Variants in RASGRF1 observed in about 807,000 individuals in gnomAD.
The protein encoded by RASGRF1 is Ras protein specific guanine nucleotide releasing factor 1.
Under a neutral mutation model 138.7 loss-of-function variants are expected in RASGRF1, and 40 were observed. The ratio of observed to expected loss-of-function variants is 0.29; its 90% CI spans 0.22 to 0.38. The LOEUF is 0.38. Ranked by LOEUF, RASGRF1 falls within the 10% of genes least tolerant of loss-of-function variation. The pLI is 1.00. For missense variants in RASGRF1, 1,108 were observed against 1,650.4 expected, an observed-to-expected ratio of 0.67 and a Z score of 5.69; for synonymous variants, 614 against 663.2, an observed-to-expected ratio of 0.93 and a Z score of 1.14.
intron 3 of RASGRF1, among the ~76,000 whole-genome samples, chr15:79,057,250 A>G (rs2057523576): frequency 1.3e-5 from 2 of 152,154 alleles, no homozygotes; most frequent in African/African-American, 4.8e-5. Flanking sequence ...GCCAGGGTGC[A>G]TTACGTGGGT....
At chr15:79,075,306 G>A (rs761177786) in intron 1 of RASGRF1, among the ~76,000 whole-genome samples, 1 of 152,208 alleles carries the variant, frequency 6.6e-6, no homozygotes, top group Non-Finnish European at 1.5e-5. Flanking sequence ...GTGGGCCCTT[G>A]TCTTTGCTGG....
intron 5 of RASGRF1, among the ~76,000 whole-genome samples, chr15:79,045,483 T>C (rs1313810556): frequency 6.6e-6 from 1 of 152,218 alleles, no homozygotes; most frequent in Non-Finnish European, 1.5e-5. Context: ...TCAACATGTC[T>C]ATTAAAAAGC....
At chr15:79,001,833 TTAA>T (rs2056535195) in intron 15 of RASGRF1, 46 bp from the exon 16 acceptor site, 1 of 1,234,478 alleles carries the variant, frequency 8.1e-7, no homozygotes, top group Non-Finnish European at 1.1e-6. Flanking sequence ...AATTTTAATT[TTAA>T]AATTTAAATA....
chr15:78,998,084 T>A lies in RASGRF1; in HGVS notation c.2966+12A>T. Reference sequence around the variant, plus strand: ...AGGCAGTTCTGAGCCAGGAACCAGGTACTGCCTTTACCTGATGATGTTGGC... The same window carrying A: ...AGGCAGTTCTGAGCCAGGAACCAGGAACTGCCTTTACCTGATGATGTTGGC... On this transcript the variant is annotated intron_variant, in intron 19 of 26. Coordinates refer to ENST00000558480, the MANE Select transcript of RASGRF1 (RefSeq NM_001145648.3). 1 of 1,605,710 alleles carries A rather than the reference T, an allele frequency of 6.2e-7. No individual in the cohort carries two copies. Among genetic ancestry groups the A allele is most frequent in the South Asian group, 1.1e-5 (1 of 90,882 alleles).
rs776652187 is a variant in RASGRF1 at position 79,090,458 on chromosome 15, G to A, written c.41C>T (p.Ser14Phe). 6.8e-6 allele frequency: 11 copies of A among 1,612,886 alleles called. No individual in the cohort carries two copies. Among genetic ancestry groups the A allele is most frequent in the Non-Finnish European group, 7.6e-6 (9 of 1,179,984 alleles). Residue 14 changes from serine (S) to phenylalanine (F), a missense_variant, in exon 1 of 27, where the codon TCC (serine) becomes TTC (phenylalanine). Physicochemically the swap from Ser to Phe is radical, Grantham distance 155. This residue lies in a region of RASGRF1 where 253 missense variants were observed against 329.5 expected (regional missense o/e 0.77). Coordinates refer to ENST00000558480, the MANE Select transcript of RASGRF1 (RefSeq NM_001145648.3). ...GTCCTTGCGCGCCAGCAGTCCCAGG[G>A]ACGCGACGTGGCCATCATTCAGCCG... is the stretch of plus-strand genomic sequence containing the variant. ...GIRLNDGHVA[S>F]LGLLARKDGT...
chr15:79,006,787 G>A lies in RASGRF1; in HGVS notation c.1827-353C>T, dbSNP rs1458575415. Among the ~76,000 whole-genome samples, 3 of 152,154 alleles carry A rather than the reference G, an allele frequency of 2.0e-5. No individual in the cohort carries two copies. The highest frequency in any genetic ancestry group is 4.4e-5 in the Non-Finnish European group (3 of 68,010). On this transcript the variant is annotated intron_variant, in intron 13 of 26. Coordinates refer to ENST00000558480, the MANE Select transcript of RASGRF1 (RefSeq NM_001145648.3). The surrounding 1 kb of genome is among the most constrained non-coding windows in gnomAD (Gnocchi z 4.0). ...AGCACTTTGGGAGGCTGAGGTGGGA[G>A]GATCACTTGAGGTCAGGAGCTCAAG...
chr15:79,032,338 C>T lies in RASGRF1; in HGVS notation c.959-22G>A, dbSNP rs1431806898. The T allele has an allele frequency of 1.5e-5, 24 of 1,611,322 alleles. No homozygotes were observed. Among genetic ancestry groups the T allele is most frequent in the East Asian group, 6.7e-5 (3 of 44,850 alleles). Reference sequence around the variant, plus strand: ...TCAGCTGGAAGGACGAGGCAGTCAGCGGGTGGCTAGGGCAGCTTGGTGGGG... The same window carrying T: ...TCAGCTGGAAGGACGAGGCAGTCAGTGGGTGGCTAGGGCAGCTTGGTGGGG... On this transcript the variant is annotated intron_variant, in intron 6 of 26. Transcript: ENST00000558480. This position sits in a 1 kb window ranked among gnomAD's most constrained non-coding sequence, Gnocchi z 4.5.
chr15:79,004,413 C>A (rs996320447), intron 14 of RASGRF1, among the ~76,000 whole-genome samples: 8 of 152,130 alleles, frequency 5.3e-5, no homozygotes, highest in African/African-American at 1.9e-4. Flanking sequence ...ATGCTCCGCC[C>A]CCCCACCCCC....
chr15:79,001,972 T>A (rs1319248737), intron 15 of RASGRF1, among the ~76,000 whole-genome samples, 185 bp from the exon 16 acceptor site: 1 of 152,234 alleles, frequency 6.6e-6, no homozygotes, highest in Non-Finnish European at 1.5e-5. Flanking sequence ...CTCTTGCTAA[T>A]GAGCACTGTC....
chr15:79,032,069 T>A lies in RASGRF1; in HGVS notation c.1152+54A>T, dbSNP rs140393168. 4 of 1,563,546 alleles carry A rather than the reference T, an allele frequency of 2.6e-6. No individual in the cohort carries two copies. In the African/African-American group the frequency reaches 4.1e-5, roughly 16 times the overall value. On this transcript the variant is annotated intron_variant, in intron 7 of 26. Coordinates refer to ENST00000558480, the MANE Select transcript of RASGRF1 (RefSeq NM_001145648.3). The surrounding 1 kb of genome is among the most constrained non-coding windows in gnomAD (Gnocchi z 4.5). The stretch of plus-strand genomic sequence containing the variant: ...ACTGTGCCCCCACCGCCATGGTCCA[T>A]CCCCCACACCTGCCTCCCTGACTCT...
Position 78,973,493 on chromosome 15 carries a change from G to T in RASGRF1, c.3495-73C>A. On this transcript the variant is annotated intron_variant, in intron 24 of 26. Coordinates refer to ENST00000558480, the MANE Select transcript of RASGRF1 (RefSeq NM_001145648.3). This position sits in a 1 kb window ranked among gnomAD's most constrained non-coding sequence, Gnocchi z 4.9. ...ACGTCTACCAAGAACAGAACATCCC[G>T]CATGCACCTTTTGCTTTGCTAGAGG... 8.8e-7 allele frequency: 1 copy of T among 1,135,684 alleles called. No homozygotes were observed. Among genetic ancestry groups the T allele is most frequent in the Non-Finnish European group, 1.3e-6 (1 of 767,760 alleles). The allele number at this position is 1,135,684 out of a possible 1,614,324, so 70.4% of individuals were successfully genotyped here.
In RASGRF1 at chr15:79,035,230, G is replaced by A. The variant is rs2057202126; in HGVS notation, c.879-20C>T. 6.2e-7 allele frequency: 1 copy of A among 1,600,582 alleles called. No individual in the cohort carries two copies. Among genetic ancestry groups the A allele is most frequent in the African/African-American group, 1.3e-5 (1 of 74,654 alleles). Reference sequence around the variant, plus strand: ...GTTTCGCTGAAAGAGAAAGCACAGGGTCAGCTCTGCCCCAGGGACTTCCTG... The same window carrying A: ...GTTTCGCTGAAAGAGAAAGCACAGGATCAGCTCTGCCCCAGGGACTTCCTG... On this transcript the variant is annotated intron_variant, in intron 5 of 26. Transcript: ENST00000558480.
Position 79,047,006 on chromosome 15 carries a change from A to G in RASGRF1, c.625-7T>C. 1 of 1,607,358 alleles carries G rather than the reference A, an allele frequency of 6.2e-7. No homozygotes were observed. Among genetic ancestry groups the G allele is most frequent in the South Asian group, 1.1e-5 (1 of 91,050 alleles). On this transcript the variant is annotated splice_polypyrimidine_tract_variant and splice_region_variant and intron_variant, in intron 4 of 26. Transcript: ENST00000558480. ...CCCGCAGGAAGCTCTGCACCTGAGC[A>G]GCAAGACCGGTGGGGAGAGGCTCCT...
intron 26 of RASGRF1, among the ~76,000 whole-genome samples, chr15:78,965,709 G>A (rs543928472): frequency 6.6e-6 from 1 of 152,102 alleles, no homozygotes; most frequent in South Asian, 2.1e-4. Flanking sequence ...AAATTAGTCG[G>A]GCGTGGTGGC....
chr15:79,034,826 G>A (rs1373201), intron 6 of RASGRF1, among the ~76,000 whole-genome samples: 73,577 of 152,110 alleles, frequency 0.48, 19,612 homozygotes, highest in South Asian at 0.62. Context: ...TCTTTGGGAA[G>A]CAGAACTATG....
chr15:78,980,267 T>A lies in RASGRF1; in HGVS notation c.3494+353A>T, dbSNP rs192373448. The A allele has an allele frequency of 1.3e-4, 22 of 175,692 alleles. No individual in the cohort carries two copies. The South Asian group carries it at 1.6e-3, about 13-fold the overall frequency. The allele number at this position is 175,692 out of a possible 1,614,324, so 10.9% of individuals were successfully genotyped here. ...CACAATTGTGTTAAATAAACAAAACTGACGTTAAGACGTCTCCTGATGTCA... is the reference window on the plus strand; with the variant it reads ...CACAATTGTGTTAAATAAACAAAACAGACGTTAAGACGTCTCCTGATGTCA... On this transcript the variant is annotated intron_variant, in intron 24 of 26. Coordinates refer to ENST00000558480, the MANE Select transcript of RASGRF1 (RefSeq NM_001145648.3).
At chr15:79,010,950 C>G (rs2056784139) in intron 13 of RASGRF1, among the ~76,000 whole-genome samples, 1 of 152,196 alleles carries the variant, frequency 6.6e-6, no homozygotes. Flanking sequence ...GGGCGTATAC[C>G]TTTGTCTTGC....
At chr15:78,992,654 G>C (rs1420421295) in intron 20 of RASGRF1, among the ~76,000 whole-genome samples, 1 of 152,192 alleles carries the variant, frequency 6.6e-6, no homozygotes, top group Non-Finnish European at 1.5e-5. Context: ...CACAGGAGGA[G>C]AGCGGTCAAC....
At chr15:79,075,672 C>T (rs542910035) in intron 1 of RASGRF1, among the ~76,000 whole-genome samples, 1 of 152,358 alleles carries the variant, frequency 6.6e-6, no homozygotes, top group Admixed American at 6.5e-5. Context: ...TTGCCTGAGA[C>T]TAATGAGTTT....
Sources: allele counts gnomAD v4.1 joint callset (sites outside exome capture counted in the v4.1 genomes callset), GRCh38; gene constraint gnomAD v4.1.1; regional missense constraint gnomAD v4.1.1; non-coding constraint Gnocchi (gnomAD v3.1); transcripts MANE v1.5; gene names NCBI Gene and HGNC (gene_info 2026-07-23, HGNC 2026-07-21).